MYO5A: variants seen among roughly 807,000 people sequenced by gnomAD.
MYO5A encodes unconventional myosin-Va.
MYO5A carries 98 observed loss-of-function variants against 249.7 expected under a neutral mutation model. The observed-to-expected ratio is 0.39, with a 90% CI of 0.33 to 0.46. The LOEUF (loss-of-function observed/expected upper bound fraction) is 0.46. Among genes scored for constraint, MYO5A ranks in the 20% least tolerant of loss-of-function variants. The pLI is 0.98. For missense variants in MYO5A, 1,696 were observed against 2,308.8 expected (o/e 0.73, Z 5.44); for synonymous variants, 778 against 810.6 (o/e 0.96, Z 0.68).
intron 37 of MYO5A, among the ~76,000 whole-genome samples, chr15:52,322,982 G>A (rs932437636): frequency 1.3e-5 from 2 of 151,914 alleles, no homozygotes; most frequent in Admixed American, 6.6e-5. Flanking sequence ...CCCTCCCCCC[G>A]ATTTTTGATC....
chr15:52,525,155 G>A (rs375240341), intron 1 of MYO5A, among the ~76,000 whole-genome samples: 1 of 152,186 alleles, frequency 6.6e-6, no homozygotes, highest in South Asian at 2.1e-4. Flanking sequence ...CAGAAGCAAT[G>A]AGATATCATA....
intron 1 of MYO5A, among the ~76,000 whole-genome samples, chr15:52,517,249 T>A (rs1482061168): frequency 6.6e-6 from 1 of 152,186 alleles, no homozygotes; most frequent in Non-Finnish European, 1.5e-5. Context: ...GAGACTTGAA[T>A]TCTAAAATTA....
intron 1 of MYO5A, among the ~76,000 whole-genome samples, chr15:52,451,761 T>C (rs764999936): frequency 1.3e-5 from 2 of 152,224 alleles, no homozygotes; most frequent in African/African-American, 2.4e-5. Context: ...GACTCCTCCT[T>C]ATCCTTCACA....
chr15:52,512,665 T>A (rs2077415962), intron 1 of MYO5A, among the ~76,000 whole-genome samples: 1 of 152,306 alleles, frequency 6.6e-6, no homozygotes, highest in Middle Eastern at 3.4e-3. Context: ...TTTTTATACC[T>A]TTTTAAATAG....
At chr15:52,524,587 AAAT>A (rs2077694671) in intron 1 of MYO5A, among the ~76,000 whole-genome samples, 1 of 149,748 alleles carries the variant, frequency 6.7e-6, no homozygotes, top group Non-Finnish European at 1.5e-5. Flanking sequence ...ATAAATAAAT[AAAT>A]AAAATAGGCT....
chr15:52,321,836 A>G (rs1329951841), intron 37 of MYO5A, among the ~76,000 whole-genome samples: 1 of 152,006 alleles, frequency 6.6e-6, no homozygotes, highest in Non-Finnish European at 1.5e-5. Flanking sequence ...TCACTTCTGA[A>G]ACAGCAGGTT....
Position 52,313,589 on chromosome 15 carries a change from TA to T in MYO5A, c.*106del. 1 of 1,352,444 alleles carries T rather than the reference TA, an allele frequency of 7.4e-7. No individual in the cohort carries two copies. Among genetic ancestry groups the T allele is most frequent in the Non-Finnish European group, 1.0e-6 (1 of 958,448 alleles). 83.8% of individuals were successfully genotyped at this position (1,352,444 alleles called of 1,614,324 possible). A position where few individuals can be genotyped will look rare whatever the true frequency, so the allele number is the denominator to read the frequency against. ...AGTTAATGACTTCTCATTTGGGAGATAATCAGTACTTTCTCTTTAAAAATGT... is the reference window on the plus strand; with the variant it reads ...AGTTAATGACTTCTCATTTGGGAGATATCAGTACTTTCTCTTTAAAAATGT... On this transcript the variant is annotated 3_prime_UTR_variant, in exon 42 of 42. Coordinates refer to ENST00000399233, the MANE Select transcript of MYO5A (RefSeq NM_001382347.1).
intron 1 of MYO5A, among the ~76,000 whole-genome samples, chr15:52,468,368 C>T (rs2076392535): frequency 6.6e-6 from 1 of 152,124 alleles, no homozygotes; most frequent in Non-Finnish European, 1.5e-5. Flanking sequence ...ATTTAAAATA[C>T]AGTATTAGGC....
intron 38 of MYO5A, among the ~76,000 whole-genome samples, chr15:52,320,991 C>G (rs112013907): frequency 0.087 from 12,947 of 148,128 alleles, 1,710 homozygotes; most frequent in African/African-American, 0.29. Flanking sequence ...CCAGCCTGGG[C>G]GACAGAGCGA....
chr15:52,467,318 C>T (rs931063960), intron 1 of MYO5A, among the ~76,000 whole-genome samples: 1 of 152,152 alleles, frequency 6.6e-6, no homozygotes, highest in African/African-American at 2.4e-5. Context: ...GAGGAATTTA[C>T]AGGAGACAGA....
At chr15:52,321,778 T>A (rs2038324448) in intron 37 of MYO5A, among the ~76,000 whole-genome samples, 2 of 136,700 alleles carry the variant, frequency 1.5e-5, no homozygotes, top group Non-Finnish European at 1.5e-5. Flanking sequence ...TGAAGCAAAT[T>A]GGAGGAACTT....
intron 4 of MYO5A, among the ~76,000 whole-genome samples, chr15:52,419,449 A>G (rs1204704371): frequency 6.6e-6 from 1 of 152,190 alleles, no homozygotes; most frequent in East Asian, 1.9e-4. Context: ...TCACTCATCA[A>G]AATCAAGCTG....
chr15:52,505,406 AG>A lies in MYO5A; in HGVS notation c.27+23373del, dbSNP rs2077248410. 3 of 802,266 alleles carry A rather than the reference AG, an allele frequency of 3.7e-6. No individual in the cohort carries two copies. In the Middle Eastern group the frequency reaches 6.7e-4, roughly 179 times the overall value. The allele number at this position is 802,266 out of a possible 1,614,324, so 49.7% of individuals were successfully genotyped here. ...GAAAAGGCCAGCCTGCCAGGAGTGA[AG>A]AAAGCTTTGGGCAAGTATGGTCCTG... On this transcript the variant is annotated intron_variant, in intron 1 of 41. Coordinates refer to ENST00000399233, the MANE Select transcript of MYO5A (RefSeq NM_001382347.1).
At chr15:52,462,586 G>A (rs1280229485) in intron 1 of MYO5A, among the ~76,000 whole-genome samples, 1 of 152,140 alleles carries the variant, frequency 6.6e-6, no homozygotes, top group Non-Finnish European at 1.5e-5. Context: ...AGTGGCTCAC[G>A]CCTATAATCC....
chr15:52,433,634 T>C (rs1005453714), intron 1 of MYO5A, among the ~76,000 whole-genome samples: 1 of 152,046 alleles, frequency 6.6e-6, no homozygotes, highest in Non-Finnish European at 1.5e-5. Context: ...TTGGCCAAGC[T>C]GGTCTCCAAA....
At chr15:52,431,390 A>G (rs2075532498) in intron 2 of MYO5A, among the ~76,000 whole-genome samples, 1 of 151,908 alleles carries the variant, frequency 6.6e-6, no homozygotes, top group African/African-American at 2.4e-5. Context: ...TATAAAATAC[A>G]TACATACAAA....
chr15:52,476,338 CTT>C (rs2076592491), intron 1 of MYO5A, among the ~76,000 whole-genome samples: 2 of 152,180 alleles, frequency 1.3e-5, no homozygotes, highest in African/African-American at 2.4e-5. Context: ...GGTCTTGACT[CTT>C]TATCAAATTT....
chr15:52,401,892 C>A (rs1360454387), intron 9 of MYO5A, among the ~76,000 whole-genome samples: 1 of 152,178 alleles, frequency 6.6e-6, no homozygotes, highest in Non-Finnish European at 1.5e-5. Context: ...TCACATCTAC[C>A]TTCTAGCTTA....
chr15:52,354,026 G>A lies in MYO5A; in HGVS notation c.3424-12C>T. On this transcript the variant is annotated splice_polypyrimidine_tract_variant and intron_variant, in intron 25 of 41. Coordinates refer to ENST00000399233, the MANE Select transcript of MYO5A (RefSeq NM_001382347.1). ...TTCTCACTTGGTTCCTAAACCCCAG[G>A]AATCACAAAGATGGTCAAGACAAGC... The A allele has an allele frequency of 2.5e-6, 4 of 1,614,048 alleles. No homozygotes were observed. The highest frequency in any genetic ancestry group is 3.4e-6 in the Non-Finnish European group (4 of 1,180,014).
Sources: allele counts gnomAD v4.1 joint callset (sites outside exome capture counted in the v4.1 genomes callset), GRCh38; gene constraint gnomAD v4.1.1; transcripts MANE v1.5; gene names NCBI Gene and HGNC (gene_info 2026-07-23, HGNC 2026-07-21).